PDCD10: variants seen among roughly 807,000 people sequenced by gnomAD.
PDCD10 encodes programmed cell death 10.
In PDCD10, 4 loss-of-function variants were observed where a neutral mutation model predicts 29.2. The observed-to-expected ratio is 0.14, with a 90% confidence interval of 0.07 to 0.31. The LOEUF is 0.31. Ranked by LOEUF, PDCD10 falls within the 10% of genes least tolerant of loss-of-function variation. The pLI is 1.00. For synonymous variants in PDCD10, 70 were observed against 82.2 expected (o/e 0.85, Z 0.80); for missense variants, 183 against 257.9 (o/e 0.71, Z 1.99).
In PDCD10 at chr3:167,697,103, G is replaced by A. The variant is rs1274956108; in HGVS notation, c.174C>T (p.Leu58=). The A allele has an allele frequency of 6.2e-7, 1 of 1,602,842 alleles. No individual in the cohort carries two copies. The part of the protein sequence containing the change: ...FIKAEKENPG[L]TQDIIMKILE... Reference sequence around the variant, plus strand: ...AAATTTTCATAATGATGTCTTGTGTGAGACCTGGATTTTCTTTTTCAGCCT... The same window carrying A: ...AAATTTTCATAATGATGTCTTGTGTAAGACCTGGATTTTCTTTTTCAGCCT... Residue 58 remains leucine (L), a synonymous_variant, in exon 5 of 9, where the codon CTC becomes CTT. Coordinates refer to ENST00000392750, the MANE Select transcript of PDCD10 (RefSeq NM_007217.4).
At chr3:167,722,869 C>T (rs951952954) in intron 2 of PDCD10, among the ~76,000 whole-genome samples, 1 of 152,178 alleles carries the variant, frequency 6.6e-6, no homozygotes, top group Non-Finnish European at 1.5e-5. Flanking sequence ...TTTGTAAATA[C>T]TGGCATTTAA....
intron 8 of PDCD10, among the ~76,000 whole-genome samples, chr3:167,685,563 C>A (rs1719531303): frequency 6.6e-6 from 1 of 152,042 alleles, no homozygotes; most frequent in South Asian, 2.1e-4. Flanking sequence ...ACACAAAGAA[C>A]TGGAATTTTA....
intron 4 of PDCD10, among the ~76,000 whole-genome samples, chr3:167,703,903 A>G (rs967290652): frequency 2.6e-5 from 4 of 152,206 alleles, no homozygotes; most frequent in African/African-American, 7.2e-5. Flanking sequence ...AATATTTATT[A>G]CTAAGCTAGT....
chr3:167,685,191 C>T (rs537639538), intron 8 of PDCD10, among the ~76,000 whole-genome samples: 81 of 152,070 alleles, frequency 5.3e-4, no homozygotes, highest in South Asian at 2.5e-3. Context: ...GTGGGCGGAT[C>T]ATGAGGTCTC....
chr3:167,699,244 C>A (rs778209137), intron 4 of PDCD10, among the ~76,000 whole-genome samples: 1 of 152,122 alleles, frequency 6.6e-6, no homozygotes, highest in Non-Finnish European at 1.5e-5. Flanking sequence ...GCCAAAAAGT[C>A]CAGCTTCTCA....
intron 2 of PDCD10, among the ~76,000 whole-genome samples, chr3:167,726,399 A>C (rs1459420940): frequency 2.0e-5 from 3 of 152,026 alleles, no homozygotes; most frequent in Non-Finnish European, 4.4e-5. Context: ...GTGCCTGGCC[A>C]GAGTACTGTT....
chr3:167,690,733 T>C lies in PDCD10; in HGVS notation c.396-3040A>G, dbSNP rs115006098. On this transcript the variant is annotated intron_variant, in intron 6 of 8. Transcript: ENST00000392750. The stretch of plus-strand genomic sequence containing the variant: ...AAATCCTCATTTCACAATGTTATTA[T>C]AGCATGTACTGTTGAATGTATGCTA... 3.9e-3 allele frequency among the ~76,000 whole-genome samples: 591 copies of C among 152,342 alleles called. 5 individuals are homozygous for C. The highest frequency in any genetic ancestry group is 0.014 in the African/African-American group (565 of 41,576).
In PDCD10 at chr3:167,684,514, A is replaced by C. The variant is rs1026047986; in HGVS notation, c.558-125T>G. 3 of 642,930 alleles carry C rather than the reference A, an allele frequency of 4.7e-6. No homozygotes were observed. The African/African-American group carries it at 5.6e-5, about 12-fold the overall frequency. 39.8% of individuals were successfully genotyped at this position (642,930 alleles called of 1,614,324 possible). A position where few individuals can be genotyped will look rare whatever the true frequency, so the allele number is the denominator to read the frequency against. On this transcript the variant is annotated intron_variant, in intron 8 of 8. Coordinates refer to ENST00000392750, the MANE Select transcript of PDCD10 (RefSeq NM_007217.4). Reference sequence around the variant, plus strand: ...AAAAAAAAGACAAGTTAGTATTATTAAAACTTTTATTCCAATTTAGGATAT... The same window carrying C: ...AAAAAAAAGACAAGTTAGTATTATTCAAACTTTTATTCCAATTTAGGATAT...
intron 8 of PDCD10, among the ~76,000 whole-genome samples, chr3:167,685,703 T>C (rs1223357095): frequency 6.6e-6 from 1 of 152,202 alleles, no homozygotes; most frequent in African/African-American, 2.4e-5. Flanking sequence ...TATTCCATAA[T>C]AGTAATTTAA....
At chr3:167,689,126 T>C (rs1336635257) in intron 6 of PDCD10, among the ~76,000 whole-genome samples, 2 of 152,178 alleles carry the variant, frequency 1.3e-5, no homozygotes, top group Non-Finnish European at 2.9e-5. Flanking sequence ...CTTACATAAA[T>C]GTTATCTAAT....
chr3:167,716,190 C>T (rs1430947525), intron 3 of PDCD10, among the ~76,000 whole-genome samples: 1 of 151,944 alleles, frequency 6.6e-6, no homozygotes, highest in Non-Finnish European at 1.5e-5. Flanking sequence ...CAAAAGTTCT[C>T]ATTTACTTGT....
At chr3:167,689,135 A>AT (rs543554273) in intron 6 of PDCD10, among the ~76,000 whole-genome samples, 100 of 151,358 alleles carry the variant, frequency 6.6e-4, no homozygotes, top group South Asian at 1.0e-3. Context: ...ATGTTATCTA[A>AT]TTTTTTTTTG....
chr3:167,729,950 A>G (rs866820455), intron 2 of PDCD10, among the ~76,000 whole-genome samples: 30 of 152,150 alleles, frequency 2.0e-4, no homozygotes, highest in African/African-American at 7.0e-4. Flanking sequence ...TATCAACTGT[A>G]TAAGAATGAA....
At chr3:167,721,107 C>T (rs1414557072) in intron 2 of PDCD10, among the ~76,000 whole-genome samples, 1 of 152,084 alleles carries the variant, frequency 6.6e-6, no homozygotes, top group Non-Finnish European at 1.5e-5. Context: ...TGATCCTAAT[C>T]ATGAAGTGAA....
At chr3:167,717,466 C>T (rs1723136448) in intron 3 of PDCD10, among the ~76,000 whole-genome samples, 1 of 151,970 alleles carries the variant, frequency 6.6e-6, no homozygotes, top group South Asian at 2.1e-4. Flanking sequence ...ACCACTTTCA[C>T]CTTTAAATCT....
chr3:167,708,817 C>T, intron 3 of PDCD10, among the ~76,000 whole-genome samples: 1 of 152,126 alleles, frequency 6.6e-6, no homozygotes, highest in Non-Finnish European at 1.5e-5. Flanking sequence ...TCCAAGTATA[C>T]AAAACTGTGA....
chr3:167,703,588 T>C (rs1323445002), intron 4 of PDCD10, among the ~76,000 whole-genome samples: 1 of 152,076 alleles, frequency 6.6e-6, no homozygotes, highest in Non-Finnish European at 1.5e-5. Context: ...TTAAAATACT[T>C]TACCTAAAAC....
intron 3 of PDCD10, among the ~76,000 whole-genome samples, chr3:167,712,749 T>C: frequency 6.6e-6 from 1 of 151,368 alleles, no homozygotes; most frequent in East Asian, 1.9e-4. Context: ...GAACTCAAAA[T>C]AAAGAGACGA....
At chr3:167,698,296 C>T (rs1257717683) in intron 4 of PDCD10, among the ~76,000 whole-genome samples, 1 of 152,154 alleles carries the variant, frequency 6.6e-6, no homozygotes, top group Non-Finnish European at 1.5e-5. Flanking sequence ...TGATTAATAA[C>T]AATAAACTGT....
Sources: allele counts gnomAD v4.1 joint callset (sites outside exome capture counted in the v4.1 genomes callset), GRCh38; gene constraint gnomAD v4.1.1; transcripts MANE v1.5; gene names NCBI Gene and HGNC (gene_info 2026-07-23, HGNC 2026-07-21).